Variants in ORC4 observed in about 807,000 individuals in gnomAD.
ORC4 encodes the protein origin recognition complex, subunit 4 homolog.
ORC4 carries 55 observed loss-of-function variants against 63.9 expected under a neutral mutation model. That is an observed-to-expected ratio of 0.86 (90% CI 0.69 to 1.08). The LOEUF is 1.08. ORC4 is among the 50% of genes least tolerant of loss of function. The pLI is 0.00. For synonymous variants in ORC4, 150 were observed against 168.5 expected, an observed-to-expected ratio of 0.89 and a Z score of 0.85; for missense variants, 511 against 504.4, an observed-to-expected ratio of 1.01 and a Z score of -0.13.
intron 1 of ORC4, among the ~76,000 whole-genome samples, chr2:148,011,271 C>G (rs1247135455): frequency 6.6e-6 from 1 of 152,136 alleles, no homozygotes; most frequent in Non-Finnish European, 1.5e-5. Flanking sequence ...TTAAAAAGAT[C>G]ATCATAATCA....
Position 147,934,082 on chromosome 2 carries a change from A to G in ORC4, c.*1428T>C, listed in dbSNP as rs941499407. 3.9e-5 allele frequency: 6 copies of G among 152,204 alleles called. No homozygotes were observed. In the South Asian group the frequency reaches 1.2e-3, roughly 31 times the overall value. The allele number at this position is 152,204 out of a possible 1,614,324, so 9.4% of individuals were successfully genotyped here. The stretch of plus-strand genomic sequence containing the variant: ...CCACTGTTGAACTTCAGGTCTTAAT[A>G]GCACTGGCTTTGGTGCTAAACTGAG... On this transcript the variant is annotated 3_prime_UTR_variant, in exon 14 of 14. Transcript: ENST00000392857.
intron 6 of ORC4, among the ~76,000 whole-genome samples, chr2:147,957,846 G>A (rs199657311): frequency 6.6e-6 from 1 of 152,210 alleles, no homozygotes; most frequent in East Asian, 1.9e-4. Flanking sequence ...AGGATTATCA[G>A]GCAGTCAAAG....
chr2:148,018,843 G>C (rs890152338), intron 1 of ORC4, among the ~76,000 whole-genome samples: 3 of 152,174 alleles, frequency 2.0e-5, no homozygotes, highest in Non-Finnish European at 4.4e-5. Context: ...ATTGAGGAAA[G>C]GGATGATCAG....
intron 4 of ORC4, among the ~76,000 whole-genome samples, chr2:147,969,096 A>G (rs572350597): frequency 5.9e-5 from 9 of 152,146 alleles, no homozygotes; most frequent in Admixed American, 4.6e-4. Context: ...GTCTTACAGA[A>G]GTCAAAAGTA....
chr2:147,958,727 C>T (rs889440799), intron 5 of ORC4, 64 bp downstream of exon 5: 2 of 812,784 alleles, frequency 2.5e-6, no homozygotes, highest in Non-Finnish European at 4.3e-6. Context: ...TTGAAATATA[C>T]AAGTCATATA....
intron 1 of ORC4, among the ~76,000 whole-genome samples, chr2:147,986,790 T>TACACACACACACAC (rs70992183): frequency 0.011 from 1,610 of 148,622 alleles, 12 homozygotes; most frequent in African/African-American, 0.018. Flanking sequence ...CACACACACA[T>TACACACACACACAC]ACACACACAC....
intron 1 of ORC4, among the ~76,000 whole-genome samples, chr2:147,984,577 G>A (rs1691081224): frequency 1.3e-5 from 2 of 152,138 alleles, no homozygotes; most frequent in African/African-American, 2.4e-5. Flanking sequence ...AGAGTCAACT[G>A]CGTATGGAGG....
chr2:148,003,488 A>G (rs1278989481), intron 1 of ORC4, among the ~76,000 whole-genome samples: 2 of 152,258 alleles, frequency 1.3e-5, no homozygotes, highest in Non-Finnish European at 2.9e-5. Context: ...AATCCATCAC[A>G]TAAACAGAAC....
At position 147,938,253 on chromosome 2, in the gene ORC4, G is replaced by A. The variant is rs767053958; in HGVS notation, c.1055-40C>T. ...ATGACAACATTATACCTTCAAATAA[G>A]CAGTGGGGAAGAGTCAGAAAAAAGC... On this transcript the variant is annotated intron_variant, in intron 12 of 13. Transcript: ENST00000392857. 6 of 1,590,242 alleles carry A rather than the reference G, an allele frequency of 3.8e-6. No individual in the cohort carries two copies. In the South Asian group the frequency reaches 5.5e-5, roughly 15 times the overall value.
chr2:147,990,852 T>A (rs556555480), intron 1 of ORC4, among the ~76,000 whole-genome samples: 1 of 152,262 alleles, frequency 6.6e-6, no homozygotes, highest in East Asian at 1.9e-4. Context: ...TATTTTATAA[T>A]GTCTTGGTAC....
intron 4 of ORC4, chr2:147,960,249 A>C: frequency 1.0e-6 from 1 of 985,260 alleles, no homozygotes. Context: ...TACTTTAAAC[A>C]CCAACTTATG....
intron 1 of ORC4, among the ~76,000 whole-genome samples, chr2:147,979,239 T>C (rs1690728391): frequency 1.3e-5 from 2 of 152,190 alleles, no homozygotes; most frequent in South Asian, 4.1e-4. Context: ...AAACTGTTAG[T>C]ACTAATACAT....
rs1349124444 is a variant in ORC4, at chr2:147,953,783, T to A, written c.437-1259A>T. Among the ~76,000 whole-genome samples, 3 of 152,172 alleles carry A rather than the reference T, an allele frequency of 2.0e-5. No homozygotes were observed. In the East Asian group the frequency reaches 5.8e-4, roughly 29 times the overall value. On this transcript the variant is annotated intron_variant, in intron 7 of 13. Coordinates refer to ENST00000392857, the MANE Select transcript of ORC4 (RefSeq NM_181741.4). ...TCCCTTTTACCTTAGGCTTAACGCC[T>A]TTATATTTGTGTTAAAAAGTGAAAC...
chr2:147,987,926 G>A (rs895773719), intron 1 of ORC4, among the ~76,000 whole-genome samples: 9 of 151,630 alleles, frequency 5.9e-5, no homozygotes, highest in African/African-American at 9.7e-5. Flanking sequence ...GGTGGCCGGC[G>A]CCTATAGTCC....
At chr2:147,974,530 G>C (rs12469939) in intron 2 of ORC4, among the ~76,000 whole-genome samples, 37,303 of 151,550 alleles carry the variant, frequency 0.25, 5,737 homozygotes, top group East Asian at 0.46. Context: ...AGCTACTTGG[G>C]AGGCTGAGGC....
In ORC4 at chr2:147,930,468, AT is replaced by A. The variant is rs1475110189; in HGVS notation, c.*5041del. ...GAACATTTGGTATGATATGCATAAAATTATTTATCCATTTATGGGCAAAATG... is the reference window on the plus strand; with the variant it reads ...GAACATTTGGTATGATATGCATAAAATATTTATCCATTTATGGGCAAAATG... On this transcript the variant is annotated 3_prime_UTR_variant, in exon 14 of 14. Coordinates refer to ENST00000392857, the MANE Select transcript of ORC4 (RefSeq NM_181741.4). 6.6e-6 allele frequency: 1 copy of A among 152,104 alleles called. No homozygotes were observed. The highest frequency in any genetic ancestry group is 1.5e-5 in the Non-Finnish European group (1 of 67,918). 9.4% of individuals were successfully genotyped at this position (152,104 alleles called of 1,614,324 possible). A position where few individuals can be genotyped will look rare whatever the true frequency, so the allele number is the denominator to read the frequency against.
chr2:147,982,497 G>C (rs1284670635), intron 1 of ORC4, among the ~76,000 whole-genome samples: 1 of 152,126 alleles, frequency 6.6e-6, no homozygotes, highest in Non-Finnish European at 1.5e-5. Flanking sequence ...AATTAAGAAA[G>C]AATTACTCAA....
chr2:148,012,397 A>G (rs1285660039), intron 1 of ORC4, among the ~76,000 whole-genome samples: 1 of 152,174 alleles, frequency 6.6e-6, no homozygotes, highest in African/African-American at 2.4e-5. Context: ...GGATGCCCAC[A>G]TTCAGAACAA....
chr2:147,997,823 C>A (rs1692060765), intron 1 of ORC4, among the ~76,000 whole-genome samples: 1 of 152,014 alleles, frequency 6.6e-6, no homozygotes, highest in Non-Finnish European at 1.5e-5. Flanking sequence ...AAATCTTGTA[C>A]TTTACAATTT....
Sources: allele counts gnomAD v4.1 joint callset (sites outside exome capture counted in the v4.1 genomes callset), GRCh38; gene constraint gnomAD v4.1.1; transcripts MANE v1.5; gene names NCBI Gene and HGNC (gene_info 2026-07-23, HGNC 2026-07-21).